The following LUZP2 variants were observed in gnomAD, a reference collection of about 807,000 sequenced individuals.
LUZP2 encodes the protein leucine zipper protein 2.
In LUZP2, 52 loss-of-function variants were observed where a neutral mutation model predicts 51.6. The observed-to-expected ratio is 1.01, with a 90% CI of 0.81 to 1.27. LUZP2 has a LOEUF of 1.27. LUZP2 is among the 50% of genes most tolerant of loss of function. The pLI is 0.00. For missense variants in LUZP2, 436 were observed against 395.4 expected, an observed-to-expected ratio of 1.10 and a Z score of -0.87; for synonymous variants, 154 against 137.3, an observed-to-expected ratio of 1.12 and a Z score of -0.85.
intron 9 of LUZP2, among the ~76,000 whole-genome samples, chr11:25,025,165 C>A (rs186727757): frequency 0.58 from 88,015 of 151,770 alleles, 26,636 homozygotes; most frequent in African/African-American, 0.76. Context: ...TTAAAGACTT[C>A]AATGTTAGAC....
chr11:24,677,755 AAGAC>A (rs987990592), intron 1 of LUZP2, among the ~76,000 whole-genome samples: 2 of 152,200 alleles, frequency 1.3e-5, no homozygotes, highest in Non-Finnish European at 2.9e-5. Context: ...GAAATAGAGA[AAGAC>A]AGAGAGAGGG....
intron 8 of LUZP2, among the ~76,000 whole-genome samples, chr11:24,977,748 C>T (rs1855918249): frequency 6.6e-6 from 1 of 151,492 alleles, no homozygotes; most frequent in African/African-American, 2.4e-5. Flanking sequence ...TATATATACA[C>T]TATGTTTAAC....
intron 5 of LUZP2, among the ~76,000 whole-genome samples, chr11:24,872,203 T>C (rs775399883): frequency 2.0e-4 from 30 of 152,112 alleles, no homozygotes; most frequent in Non-Finnish European, 3.8e-4. Flanking sequence ...TATCGGTGAA[T>C]TTTTCTCAGT....
chr11:24,756,645 A>G (rs75133739), intron 4 of LUZP2, among the ~76,000 whole-genome samples: 1,714 of 152,280 alleles, frequency 0.011, 34 homozygotes, highest in African/African-American at 0.034. Context: ...CTGTCAAACC[A>G]TGTTTTTCTT....
chr11:24,881,565 T>G (rs886797270), intron 5 of LUZP2, among the ~76,000 whole-genome samples: 1 of 152,074 alleles, frequency 6.6e-6, no homozygotes, highest in Admixed American at 6.6e-5. Flanking sequence ...GTATTCTGAT[T>G]ACTCAAATAT....
At chr11:24,706,128 A>G (rs555063645) in intron 1 of LUZP2, among the ~76,000 whole-genome samples, 21 of 152,270 alleles carry the variant, frequency 1.4e-4, no homozygotes, top group Non-Finnish European at 2.2e-4. Context: ...GTCGTATTCT[A>G]AGGTGCATAA....
intron 1 of LUZP2, among the ~76,000 whole-genome samples, chr11:24,670,723 A>C (rs895818811): frequency 2.0e-5 from 3 of 151,962 alleles, no homozygotes; most frequent in Non-Finnish European, 4.4e-5. Context: ...TTTAATTCCC[A>C]AAATTTTAGA....
At position 24,983,120 on chromosome 11, in the gene LUZP2, T is replaced by C; in HGVS notation, c.598-6T>C. ...TGTAAATATGTTAATGCCTCTTTTTTTGTAGGAGTCACAGATGAAAGCAAT... is the reference window on the plus strand; with the variant it reads ...TGTAAATATGTTAATGCCTCTTTTTCTGTAGGAGTCACAGATGAAAGCAAT... On this transcript the variant is annotated splice_polypyrimidine_tract_variant and splice_region_variant and intron_variant, in intron 8 of 11. Coordinates refer to ENST00000336930, the MANE Select transcript of LUZP2 (RefSeq NM_001009909.4). 6.2e-7 allele frequency: 1 copy of C among 1,610,416 alleles called. No homozygotes were observed. The highest frequency in any genetic ancestry group is 1.1e-5 in the South Asian group (1 of 90,750).
Position 24,710,866 on chromosome 11 carries a change from A to G in LUZP2, c.63-18303A>G, listed in dbSNP as rs374945874. 1.0e-4 allele frequency among the ~76,000 whole-genome samples: 15 copies of G among 150,132 alleles called. No homozygotes were observed. The East Asian group carries it at 2.6e-3, about 26-fold the overall frequency. On this transcript the variant is annotated intron_variant, in intron 1 of 11. Coordinates refer to ENST00000336930, the MANE Select transcript of LUZP2 (RefSeq NM_001009909.4). ...TTCTGATATTCAAGCATAGCTCAAA[A>G]TCTGGCGAGAAGAAATAAGAGACAA... is the stretch of plus-strand genomic sequence containing the variant.
At chr11:24,833,267 A>G (rs1334189323) in intron 5 of LUZP2, among the ~76,000 whole-genome samples, 2 of 152,160 alleles carry the variant, frequency 1.3e-5, no homozygotes, top group Non-Finnish European at 2.9e-5. Flanking sequence ...CAATTTTTCA[A>G]ATTGGAGAAC....
chr11:24,627,552 C>A (rs1231697653), intron 1 of LUZP2, among the ~76,000 whole-genome samples: 1 of 152,198 alleles, frequency 6.6e-6, no homozygotes, highest in Non-Finnish European at 1.5e-5. Flanking sequence ...AGGCCAAGAA[C>A]ATTCAGATAG....
In LUZP2 at chr11:25,031,417, A is replaced by G. The variant is rs568478556; in HGVS notation, c.766-18621A>G. Among the ~76,000 whole-genome samples the G allele has an allele frequency of 7.2e-5, 11 of 152,194 alleles. No homozygotes were observed. In the South Asian group the frequency reaches 2.1e-3, roughly 29 times the overall value. On this transcript the variant is annotated intron_variant, in intron 9 of 11. Transcript: ENST00000336930. ...TTCTCAATTGCTTATGTGTTTTCCA[A>G]TGGATTTAAAGTTTATGTGGTGTTG...
chr11:25,032,174 A>G (rs1186210907), intron 9 of LUZP2, among the ~76,000 whole-genome samples: 1 of 152,254 alleles, frequency 6.6e-6, no homozygotes, highest in East Asian at 1.9e-4. Context: ...CCAGAAACAC[A>G]CATAGTTTCT....
intron 1 of LUZP2, among the ~76,000 whole-genome samples, chr11:24,642,260 A>G (rs1398457617): frequency 6.6e-6 from 1 of 151,816 alleles, no homozygotes; most frequent in African/African-American, 2.4e-5. Flanking sequence ...CACAACAATT[A>G]GACTGTTTTG....
chr11:24,944,164 A>T (rs1373485510), intron 7 of LUZP2, among the ~76,000 whole-genome samples: 2 of 152,158 alleles, frequency 1.3e-5, no homozygotes, highest in African/African-American at 4.8e-5. Context: ...CCCAGGCAAC[A>T]CCCCAGACCA....
intron 9 of LUZP2, among the ~76,000 whole-genome samples, chr11:25,034,452 G>T (rs1244953851): frequency 6.6e-6 from 1 of 151,872 alleles, no homozygotes; most frequent in Non-Finnish European, 1.5e-5. Flanking sequence ...TTTTGTTGTT[G>T]TTGCAATTGC....
intron 5 of LUZP2, among the ~76,000 whole-genome samples, chr11:24,782,830 A>T (rs959816698): frequency 5.3e-5 from 8 of 152,058 alleles, no homozygotes; most frequent in African/African-American, 1.9e-4. Flanking sequence ...GTGTAATTTC[A>T]CTTCTTAATG....
At chr11:24,921,763 AAT>A (rs2133816951) in intron 7 of LUZP2, among the ~76,000 whole-genome samples, 1 of 152,294 alleles carries the variant, frequency 6.6e-6, no homozygotes, top group African/African-American at 2.4e-5. Flanking sequence ...TGTCATTTTA[AAT>A]ATGAGATTTG....
At chr11:24,878,861 A>G (rs1299712568) in intron 5 of LUZP2, among the ~76,000 whole-genome samples, 1 of 151,974 alleles carries the variant, frequency 6.6e-6, no homozygotes, top group East Asian at 1.9e-4. Flanking sequence ...TTGAATGAGA[A>G]TGTGTGGTGT....
Sources: gnomAD v4.1 joint callset for allele counts (sites outside exome capture counted in the v4.1 genomes callset) on GRCh38, gnomAD v4.1.1 for gene constraint, MANE v1.5 for transcripts, NCBI Gene and HGNC (gene_info 2026-07-23, HGNC 2026-07-21) for gene names.